FRK: variants seen among roughly 807,000 people sequenced by gnomAD.
FRK encodes tyrosine-protein kinase FRK.
Under a neutral mutation model 56.4 loss-of-function variants are expected in FRK, and 51 were observed. The observed-to-expected ratio is 0.90, with a 90% CI of 0.72 to 1.14. The LOEUF (loss-of-function observed/expected upper bound fraction) is 1.14. Among genes scored for constraint, FRK ranks in the 50% most tolerant of loss-of-function variants. The pLI is 0.00. For synonymous variants in FRK, 245 were observed against 217.9 expected (o/e 1.12, Z -1.10); for missense variants, 570 against 601.4 (o/e 0.95, Z 0.55).
At chr6:115,981,699 A>T (rs368704007) in intron 2 of FRK, among the ~76,000 whole-genome samples, 16 of 152,242 alleles carry the variant, frequency 1.1e-4, no homozygotes, top group Middle Eastern at 3.4e-3. Flanking sequence ...CAGAAAGGTA[A>T]CAAACGGTAA....
At chr6:115,942,731 C>T (rs1772240096) in intron 7 of FRK, 106 bp from the exon 8 acceptor site, 1 of 1,008,992 alleles carries the variant, frequency 9.9e-7, no homozygotes, top group Non-Finnish European at 1.5e-6. Context: ...AAGTCAATTT[C>T]TTTGGCAAAG....
chr6:116,073,178 C>T, the FRK span, among the ~76,000 whole-genome samples: 3 of 152,132 alleles, frequency 2.0e-5, no homozygotes, highest in Non-Finnish European at 2.9e-5. Flanking sequence ...GCTTGATACA[C>T]TCAATTTCTT....
intron 2 of FRK, among the ~76,000 whole-genome samples, chr6:115,981,478 G>A (rs1406004282): frequency 6.6e-6 from 1 of 151,960 alleles, no homozygotes; most frequent in African/African-American, 2.4e-5. Context: ...AGAAAAAAAG[G>A]TAAGAACTTA....
chr6:115,960,247 C>T (rs1418216574), intron 4 of FRK, among the ~76,000 whole-genome samples: 1 of 151,008 alleles, frequency 6.6e-6, no homozygotes, highest in African/African-American at 2.4e-5. Flanking sequence ...CGCAAGGGGT[C>T]AGGGAGTTCC....
chr6:115,980,616 A>C (rs1562268750), intron 2 of FRK, among the ~76,000 whole-genome samples: 1 of 152,178 alleles, frequency 6.6e-6, no homozygotes, highest in Non-Finnish European at 1.5e-5. Context: ...TACTGCCTTT[A>C]AAATAAAAAC....
At chr6:116,010,860 T>C (rs1055464675) in intron 1 of FRK, among the ~76,000 whole-genome samples, 5 of 152,194 alleles carry the variant, frequency 3.3e-5, no homozygotes, top group African/African-American at 1.2e-4. Context: ...TTTAGGCATG[T>C]TGGATTTGAG....
chr6:115,982,819 C>T (rs780584017), intron 2 of FRK, among the ~76,000 whole-genome samples: 1 of 152,040 alleles, frequency 6.6e-6, no homozygotes. Context: ...TGCCTGTAAT[C>T]GCAGCACTTT....
At chr6:115,980,384 A>T (rs1387019041) in intron 2 of FRK, among the ~76,000 whole-genome samples, 1 of 152,170 alleles carries the variant, frequency 6.6e-6, no homozygotes, top group African/African-American at 2.4e-5. Flanking sequence ...TAGGATACAA[A>T]ATTAAGAGAA....
intron 1 of FRK, among the ~76,000 whole-genome samples, chr6:116,045,196 T>C (rs1207732611): frequency 1.3e-5 from 2 of 152,228 alleles, no homozygotes; most frequent in African/African-American, 4.8e-5. Flanking sequence ...CCCATCAAGC[T>C]ACCACTGACT....
At chr6:116,074,659 CTTGAGA>C in the FRK span, among the ~76,000 whole-genome samples, 6 of 152,252 alleles carry the variant, frequency 3.9e-5, no homozygotes, top group Admixed American at 3.9e-4. Context: ...AAAAACTTGT[CTTGAGA>C]TTATTTCTTT....
intron 7 of FRK, 113 bp downstream of exon 7, chr6:115,942,907 T>G: frequency 9.8e-7 from 1 of 1,022,164 alleles, no homozygotes; most frequent in East Asian, 2.5e-5. Flanking sequence ...CTCCCGCAGG[T>G]ATGGTATGGT....
rs971737457 is a variant in FRK at position 116,002,062 on chromosome 6, C to T, written c.466+1815G>A. 3.3e-5 allele frequency among the ~76,000 whole-genome samples: 5 copies of T among 152,148 alleles called. No individual in the cohort carries two copies. In the East Asian group the frequency reaches 5.8e-4, roughly 18 times the overall value. On this transcript the variant is annotated intron_variant, in intron 2 of 7. Transcript: ENST00000606080. The stretch of plus-strand genomic sequence containing the variant: ...AAAAATCCTGACAGGAAAAGTATTT[C>T]GATATTTAAAATGCATCTTTCGAAA...
At chr6:116,048,883 C>T (rs149525525) in intron 1 of FRK, among the ~76,000 whole-genome samples, 1,859 of 152,190 alleles carry the variant, frequency 0.012, 28 homozygotes, top group Middle Eastern at 0.031. Context: ...GTTTTGTATG[C>T]TTAGCGCATT....
At chr6:116,061,359 A>G (rs1003968207), upstream of FRK, among the ~76,000 whole-genome samples, 1 of 151,888 alleles carries the variant, frequency 6.6e-6, no homozygotes, top group Admixed American at 6.6e-5. Flanking sequence ...GCTTTTTCCC[A>G]CAGACATTTA....
At chr6:116,005,835 C>T (rs939212772) in intron 1 of FRK, among the ~76,000 whole-genome samples, 2 of 152,088 alleles carry the variant, frequency 1.3e-5, no homozygotes, top group African/African-American at 2.4e-5. Context: ...ACACTGTTAT[C>T]ATTAATAATC....
chr6:116,004,341 C>A (rs1167613707), intron 1 of FRK, among the ~76,000 whole-genome samples: 1 of 151,498 alleles, frequency 6.6e-6, no homozygotes, highest in South Asian at 2.1e-4. Context: ...ATGTCCCAGG[C>A]TCTAAAATGA....
the FRK span, among the ~76,000 whole-genome samples, chr6:116,090,460 G>T: frequency 6.6e-6 from 1 of 152,198 alleles, no homozygotes; most frequent in Non-Finnish European, 1.5e-5. Context: ...TCCTGTGATT[G>T]CAAGATAAAT....
chr6:116,053,959 A>G (rs1282995299), intron 1 of FRK, among the ~76,000 whole-genome samples: 1 of 152,072 alleles, frequency 6.6e-6, no homozygotes, highest in East Asian at 1.9e-4. Context: ...ATTAAACTTC[A>G]ACTGGGATTT....
chr6:116,054,032 A>T (rs1777281287), intron 1 of FRK, among the ~76,000 whole-genome samples: 2 of 151,908 alleles, frequency 1.3e-5, no homozygotes, highest in African/African-American at 4.8e-5. Context: ...TTTTTATGAA[A>T]TATATTCTAA....
Sources: gnomAD v4.1 joint callset for allele counts (sites outside exome capture counted in the v4.1 genomes callset) on GRCh38, gnomAD v4.1.1 for gene constraint, MANE v1.5 for transcripts, NCBI Gene and HGNC (gene_info 2026-07-23, HGNC 2026-07-21) for gene names.